The following PTPRB variants were observed in gnomAD, a reference collection of about 807,000 sequenced individuals.
PTPRB encodes receptor-type tyrosine-protein phosphatase beta.
Under a neutral mutation model 238.1 loss-of-function variants are expected in PTPRB, and 97 were observed. The ratio of observed to expected loss-of-function variants is 0.41; its 90% CI spans 0.35 to 0.48. The LOEUF is 0.48. Among genes scored for constraint, PTPRB ranks in the 20% least tolerant of loss-of-function variants. The probability of loss-of-function intolerance (pLI) is 0.30; values close to 1 mark genes in which losing one functional copy is unlikely to be tolerated. For missense variants in PTPRB, 2,292 were observed against 2,681.9 expected (o/e 0.85, Z 3.21); for synonymous variants, 970 against 995.4 (o/e 0.97, Z 0.48).
intron 3 of PTPRB, among the ~76,000 whole-genome samples, chr12:70,610,171 C>G (rs913994653): frequency 2.0e-5 from 3 of 152,180 alleles, no homozygotes; most frequent in Non-Finnish European, 4.4e-5. Flanking sequence ...GGGAGGGAGC[C>G]CCGAGGAGCC....
chr12:70,527,098 A>G (rs567389612), intron 32 of PTPRB, among the ~76,000 whole-genome samples: 4 of 152,204 alleles, frequency 2.6e-5, no homozygotes, highest in Non-Finnish European at 5.9e-5. Context: ...CTTAGTGTTC[A>G]CACATTCAGT....
chr12:70,547,017 T>TG (rs574115992), intron 21 of PTPRB, among the ~76,000 whole-genome samples: 1 of 152,062 alleles, frequency 6.6e-6, no homozygotes, highest in South Asian at 2.1e-4. Flanking sequence ...CCTTTTTTTT[T>TG]TTGTTTTTGT....
intron 20 of PTPRB, among the ~76,000 whole-genome samples, chr12:70,553,488 T>C (rs1877212569): frequency 6.6e-6 from 1 of 152,178 alleles, no homozygotes; most frequent in Non-Finnish European, 1.5e-5. Context: ...GTGCTCCACA[T>C]GTCATGCCCA....
chr12:70,617,786 A>G (rs907652539), intron 3 of PTPRB, among the ~76,000 whole-genome samples: 6 of 149,392 alleles, frequency 4.0e-5, no homozygotes, highest in Non-Finnish European at 7.4e-5. Flanking sequence ...GTGAAAGCCC[A>G]GACCAGTACC....
intron 21 of PTPRB, among the ~76,000 whole-genome samples, chr12:70,546,136 CAA>C (rs35320376): frequency 2.7e-3 from 222 of 81,904 alleles, no homozygotes; most frequent in African/African-American, 8.9e-3. Context: ...GACTCCACCT[CAA>C]AAAAAAAAAA....
chr12:70,535,605 G>C (rs893069367), intron 29 of PTPRB, among the ~76,000 whole-genome samples: 2 of 152,174 alleles, frequency 1.3e-5, no homozygotes, highest in African/African-American at 4.8e-5. Flanking sequence ...CATTACAAGG[G>C]GGTTTGGTTG....
chr12:70,636,381 A>G (rs955236141), intron 1 of PTPRB, among the ~76,000 whole-genome samples: 1 of 151,994 alleles, frequency 6.6e-6, no homozygotes, highest in African/African-American at 2.4e-5. Flanking sequence ...AAAACCATCC[A>G]AAGTATATAG....
rs1477120683 is a variant in PTPRB at position 70,626,362 on chromosome 12, T to C, written c.452-3716A>G. On this transcript the variant is annotated intron_variant, in intron 2 of 33. Transcript: ENST00000334414. ...ATCTATCTATCTATCTATCTATCTATCTATATTCCTGCCTGCCTGCCTGCC... is the reference window on the plus strand; with the variant it reads ...ATCTATCTATCTATCTATCTATCTACCTATATTCCTGCCTGCCTGCCTGCC... Among the ~76,000 whole-genome samples the C allele has an allele frequency of 5.8e-3, 677 of 116,246 alleles. 2 individuals carry two copies. Among genetic ancestry groups the C allele is most frequent in the South Asian group, 0.011 (39 of 3,714 alleles). The allele number at this position is 116,246 out of a possible 152,430, so 76.3% of individuals were successfully genotyped here.
intron 4 of PTPRB, among the ~76,000 whole-genome samples, chr12:70,605,144 G>A (rs1256903242): frequency 6.6e-6 from 1 of 152,068 alleles, no homozygotes; most frequent in African/African-American, 2.4e-5. Flanking sequence ...CTAATAAGTA[G>A]CTGAAACTGA....
intron 9 of PTPRB, among the ~76,000 whole-genome samples, chr12:70,582,137 T>C (rs1442905851): frequency 6.6e-6 from 1 of 152,136 alleles, no homozygotes; most frequent in African/African-American, 2.4e-5. Flanking sequence ...TACACAGATC[T>C]TGAAGTTGGC....
At chr12:70,537,702 CG>C (rs1874386636) in intron 28 of PTPRB, among the ~76,000 whole-genome samples, 1 of 152,116 alleles carries the variant, frequency 6.6e-6, no homozygotes, top group African/African-American at 2.4e-5. Flanking sequence ...TTGTTTGACC[CG>C]AAAGCTTTTT....
chr12:70,574,179 G>C (rs1482423973), intron 11 of PTPRB, among the ~76,000 whole-genome samples: 1 of 152,134 alleles, frequency 6.6e-6, no homozygotes, highest in Non-Finnish European at 1.5e-5. Flanking sequence ...CACATGCCAA[G>C]GCTGTGTCCA....
At chr12:70,601,790 CTT>C (rs200227553) in intron 4 of PTPRB, among the ~76,000 whole-genome samples, 3 of 127,528 alleles carry the variant, frequency 2.4e-5, no homozygotes, top group Non-Finnish European at 3.3e-5. Context: ...TTTCTTTTTT[CTT>C]TTTTTTTTTT....
chr12:70,554,442 C>A (rs1342983068), intron 20 of PTPRB, among the ~76,000 whole-genome samples: 1 of 152,122 alleles, frequency 6.6e-6, no homozygotes, highest in Non-Finnish European at 1.5e-5. Context: ...GACAGGTGTG[C>A]CCCAAATACA....
At position 70,596,083 on chromosome 12, in the gene PTPRB, T is replaced by C. The variant is rs767087294; in HGVS notation, c.1224A>G (p.Lys408=). 3.0e-5 allele frequency: 48 copies of C among 1,611,244 alleles called. No homozygotes were observed. Among genetic ancestry groups the C allele is most frequent in the Non-Finnish European group, 4.0e-5 (47 of 1,178,084 alleles). The change falls in exon 5 of 34, where the codon AAA becomes AAG. Residue 408 remains lysine (K), a synonymous_variant. Coordinates refer to ENST00000334414, the MANE Select transcript of PTPRB (RefSeq NM_001109754.4). The stretch of plus-strand genomic sequence containing the variant: ...CATTGGTATAAACTGAAAAAGAACG[T>C]TTTCCTCCAGAAACAGCTGTGATGG... ...NIAITAVSGG[K]RSFSVYTNGS...
chr12:70,570,472 C>T (rs1879898573), intron 13 of PTPRB, among the ~76,000 whole-genome samples: 1 of 151,916 alleles, frequency 6.6e-6, no homozygotes, highest in Non-Finnish European at 1.5e-5. Flanking sequence ...TCAGCCTCCC[C>T]AGTAGCTGGG....
At chr12:70,609,913 G>T (rs1233399190) in intron 3 of PTPRB, 20 of 1,134,098 alleles carry the variant, frequency 1.8e-5, no homozygotes, top group Non-Finnish European at 2.0e-5. Context: ...CGCTCAGCGC[G>T]CCCCGTGGGC....
chr12:70,595,425 G>A (rs1565993331), intron 5 of PTPRB, among the ~76,000 whole-genome samples: 1 of 152,114 alleles, frequency 6.6e-6, no homozygotes, highest in South Asian at 2.1e-4. Flanking sequence ...TTCTGCACAT[G>A]TATCCCAGAA....
chr12:70,567,811 C>G (rs2136359150), intron 14 of PTPRB, among the ~76,000 whole-genome samples: 1 of 152,306 alleles, frequency 6.6e-6, no homozygotes, highest in Non-Finnish European at 1.5e-5. Context: ...GGTCTCTCTA[C>G]TTACCTGGCC....
Sources: gnomAD v4.1 joint callset for allele counts (sites outside exome capture counted in the v4.1 genomes callset) on GRCh38, gnomAD v4.1.1 for gene constraint, MANE v1.5 for transcripts, NCBI Gene and HGNC (gene_info 2026-07-23, HGNC 2026-07-21) for gene names.